Variants in NOP58 observed in about 807,000 individuals in gnomAD.
NOP58 encodes the protein NOP58 ribonucleoprotein, also known as nucleolar protein 58.
In NOP58, 44 loss-of-function variants were observed where a neutral mutation model predicts 71.2. The observed-to-expected ratio is 0.62, with a 90% CI of 0.49 to 0.79. The LOEUF is 0.79. Among genes scored for constraint, NOP58 ranks in the 30% least tolerant of loss-of-function variants. The probability of loss-of-function intolerance (pLI) is 0.00; values close to 1 mark genes in which losing one functional copy is unlikely to be tolerated. For synonymous variants in NOP58, 228 were observed against 200.3 expected, an observed-to-expected ratio of 1.14 and a Z score of -1.17; for missense variants, 538 against 620.2, an observed-to-expected ratio of 0.87 and a Z score of 1.41.
chr2:202,297,941 T>C (rs1246048105), intron 12 of NOP58, 35 bp downstream of exon 12: 1 of 1,276,984 alleles, frequency 7.8e-7, no homozygotes, highest in Non-Finnish European at 1.1e-6. Flanking sequence ...GGTGAATAGT[T>C]TTTTTAAATG....
chr2:202,276,360 A>T, intron 2 of NOP58: 2 of 291,788 alleles, frequency 6.9e-6, no homozygotes, highest in South Asian at 5.5e-5. Context: ...AAAAAAGATG[A>T]CACTGTTTTA....
At chr2:202,302,234 T>C (rs909802541) in intron 13 of NOP58, among the ~76,000 whole-genome samples, 25 of 151,926 alleles carry the variant, frequency 1.6e-4, no homozygotes, top group African/African-American at 5.6e-4. Flanking sequence ...ATTACAGGCA[T>C]GCACCACCAT....
intron 13 of NOP58, among the ~76,000 whole-genome samples, chr2:202,301,219 C>A (rs1295239448): frequency 6.6e-6 from 1 of 152,094 alleles, no homozygotes; most frequent in Non-Finnish European, 1.5e-5. Flanking sequence ...GAATCTTGCT[C>A]TGTCACCCAT....
At chr2:202,300,912 C>G (rs947528873) in intron 13 of NOP58, among the ~76,000 whole-genome samples, 6 of 152,158 alleles carry the variant, frequency 3.9e-5, no homozygotes, top group African/African-American at 1.4e-4. Context: ...GCAAGTCTAG[C>G]AGAAGAGTAA....
chr2:202,282,629 CT>C, intron 4 of NOP58, among the ~76,000 whole-genome samples, 157 bp downstream of exon 4: 1 of 152,154 alleles, frequency 6.6e-6, no homozygotes, highest in East Asian at 1.9e-4. Context: ...CTAACATCAG[CT>C]GAACTGAGCA....
intron 7 of NOP58, 47 bp downstream of exon 7, chr2:202,290,504 G>T (rs750550415): frequency 1.3e-6 from 2 of 1,518,388 alleles, no homozygotes; most frequent in Non-Finnish European, 1.8e-6. Flanking sequence ...AAATGAATTT[G>T]ATTGCATCCT....
At chr2:202,269,617 C>T (rs993571609) in intron 1 of NOP58, among the ~76,000 whole-genome samples, 2 of 152,114 alleles carry the variant, frequency 1.3e-5, no homozygotes, top group East Asian at 1.9e-4. Flanking sequence ...TGGCTCACGC[C>T]TGTAACCCCA....
intron 8 of NOP58, 44 bp downstream of exon 8, chr2:202,291,314 C>CT: frequency 6.9e-7 from 1 of 1,458,704 alleles, no homozygotes; most frequent in Non-Finnish European, 9.2e-7. Flanking sequence ...GTTACCAGCT[C>CT]TATAGTACTA....
intron 1 of NOP58, among the ~76,000 whole-genome samples, chr2:202,271,840 A>G (rs1688515659): frequency 6.6e-6 from 1 of 152,124 alleles, no homozygotes; most frequent in Non-Finnish European, 1.5e-5. Context: ...GCTACTTGGG[A>G]GGCCGAGGCA....
At chr2:202,299,028 C>A (rs188190760) in intron 12 of NOP58, among the ~76,000 whole-genome samples, 1 of 132,090 alleles carries the variant, frequency 7.6e-6, no homozygotes, top group East Asian at 2.3e-4. Flanking sequence ...GGCACGATTG[C>A]GGCTCACTGC....
At chr2:202,287,580 CAAAAA>C in intron 5 of NOP58, 75 bp from the exon 6 acceptor site, 2 of 1,111,846 alleles carry the variant, frequency 1.8e-6, no homozygotes, top group East Asian at 5.0e-5. Flanking sequence ...AAAACAAAAA[CAAAAA>C]AAAACTTTAA....
rs1688883358 is a variant in NOP58, at chr2:202,291,215, T to C, written c.725T>C (p.Met242Thr). ...GTGAAAGCAGCTGCAGAGATATCAA[T>C]GGGAACAGAGGTTTCAGAAGAAGAT... ...AEVKAAAEIS[M>T]GTEVSEEDIC... The change falls in exon 8 of 15, where the codon ATG becomes ACG. Residue 242 changes from methionine to threonine, a missense_variant. Coordinates refer to ENST00000264279, the MANE Select transcript of NOP58 (RefSeq NM_015934.5). The C allele has an allele frequency of 1.9e-6, 3 of 1,612,636 alleles. No individual in the cohort carries two copies. The highest frequency in any genetic ancestry group is 2.5e-6 in the Non-Finnish European group (3 of 1,179,634).
At chr2:202,267,247 AAAAT>A (rs564213637) in intron 1 of NOP58, among the ~76,000 whole-genome samples, 249 of 152,294 alleles carry the variant, frequency 1.6e-3, no homozygotes, top group Non-Finnish European at 2.8e-3. Flanking sequence ...ACGCTAGGTA[AAAAT>A]AAATGTAATA....
intron 4 of NOP58, 118 bp from the exon 5 acceptor site, chr2:202,284,227 T>G: frequency 1.3e-6 from 1 of 748,670 alleles, no homozygotes; most frequent in Admixed American, 3.0e-5. Flanking sequence ...GAGCCAAGAT[T>G]GCGCCACTGC....
chr2:202,282,325 C>G, intron 3 of NOP58, 26 bp from the exon 4 acceptor site: 1 of 1,583,304 alleles, frequency 6.3e-7, no homozygotes, highest in South Asian at 1.2e-5. Flanking sequence ...AGAGTTAATG[C>G]TTTTGTTTTT....
chr2:202,271,354 G>A (rs1422696756), intron 1 of NOP58, among the ~76,000 whole-genome samples: 3 of 150,444 alleles, frequency 2.0e-5, no homozygotes, highest in Admixed American at 6.6e-5. Flanking sequence ...TCAGGAGTTC[G>A]AGACCAGCCT....
chr2:202,267,305 A>G (rs1376085794), intron 1 of NOP58, among the ~76,000 whole-genome samples: 1 of 152,202 alleles, frequency 6.6e-6, no homozygotes, highest in Non-Finnish European at 1.5e-5. Flanking sequence ...GTGTGGATGC[A>G]AGAAAGTCTG....
chr2:202,283,444 A>ATTT (rs112839981), intron 4 of NOP58, among the ~76,000 whole-genome samples: 5 of 134,842 alleles, frequency 3.7e-5, no homozygotes, highest in African/African-American at 1.1e-4. Context: ...CCAACCTGTA[A>ATTT]TTTTTTTTTT....
Position 202,296,123 on chromosome 2 carries a change from C to CA in NOP58, c.1071+296dup, listed in dbSNP as rs370433822. 1.5e-3 allele frequency among the ~76,000 whole-genome samples: 215 copies of CA among 145,464 alleles called. 2 individuals are homozygous for CA. The highest frequency in any genetic ancestry group is 6.8e-3 in the East Asian group (34 of 5,030). ...ACACTGAAAATACTATCTCTGGCAG[C>CA]AAAAAAAAAATCTAACATTTACGAA... On this transcript the variant is annotated intron_variant, in intron 10 of 14. Transcript: ENST00000264279.
Sources: gnomAD v4.1 joint callset for allele counts (sites outside exome capture counted in the v4.1 genomes callset) on GRCh38, gnomAD v4.1.1 for gene constraint, MANE v1.5 for transcripts, NCBI Gene and HGNC (gene_info 2026-07-23, HGNC 2026-07-21) for gene names.